COPB1: variants seen among roughly 807,000 people sequenced by gnomAD.
COPB1 encodes coatomer subunit beta.
In COPB1, 21 loss-of-function variants were observed where a neutral mutation model predicts 108.7. The ratio of observed to expected loss-of-function variants is 0.19; its 90% CI spans 0.14 to 0.28. COPB1 has a LOEUF of 0.28. Ranked by LOEUF, COPB1 falls within the 10% of genes least tolerant of loss-of-function variation. The pLI is 1.00. For synonymous variants in COPB1, 378 were observed against 386.8 expected (o/e 0.98, Z 0.27); for missense variants, 919 against 1,141.3 (o/e 0.81, Z 2.81).
In COPB1 at chr11:14,457,598, G is replaced by A. The variant is rs1274968742; in HGVS notation, c.*226C>T. The A allele has an allele frequency of 3.5e-5, 14 of 395,338 alleles. No homozygotes were observed. Among genetic ancestry groups the A allele is most frequent in the Non-Finnish European group, 6.6e-5 (14 of 211,862 alleles). The allele number at this position is 395,338 out of a possible 1,614,324, so 24.5% of individuals were successfully genotyped here. A position where few individuals can be genotyped will look rare whatever the true frequency, so the allele number is the denominator to read the frequency against. ...TACTGTGAAAAGGGTCTTGGTACAT[G>A]AAACATTATATACTTTGAGGACAGC... is the stretch of plus-strand genomic sequence containing the variant. On this transcript the variant is annotated 3_prime_UTR_variant, in exon 22 of 22. Coordinates refer to ENST00000439561, the MANE Select transcript of COPB1 (RefSeq NM_001144061.2).
intron 8 of COPB1, among the ~76,000 whole-genome samples, chr11:14,481,474 TA>T (rs901399142): frequency 2.6e-5 from 4 of 151,736 alleles, no homozygotes; most frequent in African/African-American, 7.3e-5. Flanking sequence ...ATCAGTGTCA[TA>T]AAAAAAAGAT....
At chr11:14,480,657 ATGG>A (rs371589550) in intron 10 of COPB1, 99 bp downstream of exon 10, 1 of 1,111,908 alleles carries the variant, frequency 9.0e-7, no homozygotes, top group African/African-American at 1.6e-5. Flanking sequence ...ATGAGATTTA[ATGG>A]TTCTAGGCAG....
intron 4 of COPB1, among the ~76,000 whole-genome samples, 168 bp downstream of exon 4, chr11:14,493,474 G>A (rs916170935): frequency 2.0e-5 from 3 of 152,170 alleles, no homozygotes; most frequent in African/African-American, 4.8e-5. Flanking sequence ...TAGGAACAGC[G>A]CTGCCAGATC....
intron 18 of COPB1, among the ~76,000 whole-genome samples, chr11:14,462,826 T>A (rs1358571487): frequency 2.6e-5 from 4 of 152,218 alleles, no homozygotes. Flanking sequence ...TCTTCCCTTA[T>A]GGTCTATAAA....
At chr11:14,477,054 C>A in intron 11 of COPB1, 39 bp from the exon 12 acceptor site, 1 of 1,316,306 alleles carries the variant, frequency 7.6e-7, no homozygotes, top group East Asian at 2.3e-5. Context: ...ACTTGGCAGA[C>A]AAATCTTGAA....
intron 8 of COPB1, 53 bp from the exon 9 acceptor site, chr11:14,481,150 A>G: frequency 7.2e-7 from 1 of 1,384,704 alleles, no homozygotes; most frequent in African/African-American, 1.4e-5. Flanking sequence ...GGTCACAGGA[A>G]AAAAATCTTC....
chr11:14,487,702 A>AC (rs894698250), intron 6 of COPB1, among the ~76,000 whole-genome samples: 1 of 151,408 alleles, frequency 6.6e-6, no homozygotes, highest in Admixed American at 6.6e-5. Flanking sequence ...CAAAAAAAAA[A>AC]CAAAAAAAAA....
chr11:14,487,673 CAAAAAAAACAAAAAACAACAA>C (rs1850804851), intron 6 of COPB1, among the ~76,000 whole-genome samples: 1 of 136,076 alleles, frequency 7.3e-6, no homozygotes, highest in African/African-American at 2.8e-5. Flanking sequence ...AGACTCTGCC[CAAAAAAAACAAAAAACAACAA>C]AAAAAAAACA....
intron 18 of COPB1, among the ~76,000 whole-genome samples, chr11:14,463,900 C>G (rs963883211): frequency 1.3e-5 from 2 of 152,184 alleles, no homozygotes; most frequent in Admixed American, 6.5e-5. Context: ...TGTGTTGGCT[C>G]AAGTCCTCTG....
At chr11:14,492,695 G>A (rs778046049) in intron 4 of COPB1, among the ~76,000 whole-genome samples, 3 of 152,066 alleles carry the variant, frequency 2.0e-5, no homozygotes, top group Non-Finnish European at 2.9e-5. Context: ...AAATCTAACA[G>A]TAAGATAACT....
chr11:14,495,319 A>G (rs1419387620), intron 2 of COPB1, among the ~76,000 whole-genome samples: 2 of 152,220 alleles, frequency 1.3e-5, no homozygotes, highest in Non-Finnish European at 2.9e-5. Context: ...GGGAGAACAA[A>G]GAATGATTAC....
At chr11:14,493,928 A>G (rs781495530) in intron 3 of COPB1, 117 bp from the exon 4 acceptor site, 6 of 927,394 alleles carry the variant, frequency 6.5e-6, no homozygotes, top group Non-Finnish European at 7.8e-6. Context: ...TAGATTACCG[A>G]CAATTTCCAT....
rs71044006 is a variant in COPB1 at position 14,477,821 on chromosome 11, TGA to T, written c.1359-808_1359-807del. ...CTGAGGCTGGAGAATCGCTTGAACA[TGA>T]GAGGCGGCGGTTGCAGTGAGCCGAG... On this transcript the variant is annotated intron_variant, in intron 11 of 21. Coordinates refer to ENST00000439561, the MANE Select transcript of COPB1 (RefSeq NM_001144061.2). 6.7e-3 allele frequency among the ~76,000 whole-genome samples: 981 copies of T among 147,346 alleles called. 4 individuals carry two copies. The highest frequency in any genetic ancestry group is 0.011 in the Non-Finnish European group (735 of 67,312).
rs1488318039 is a variant in COPB1 at position 14,458,573 on chromosome 11, C to A, written c.2761G>T (p.Ala921Ser). Residue 921 changes from alanine (A) to serine (S), a missense_variant, in exon 21 of 22, where the codon GCT becomes TCT. Physicochemically the swap from Ala to Ser is moderately conservative, Grantham distance 99. Around this residue, in one of 5 missense-constraint regions of COPB1, gnomAD observed 705 missense variants for 817.8 expected, o/e 0.86. Transcript: ENST00000439561. ...IEKPIHQGPDAAVTGHIRIRA... is the reference protein window; with the variant it reads ...IEKPIHQGPDSAVTGHIRIRA... ...ATTCTTATATGGCCGGTAACAGCAG[C>A]ATCTGGTCCCTGGTGAATTGGCTTC... The A allele has an allele frequency of 3.1e-6, 5 of 1,613,456 alleles. No homozygotes were observed. In the Admixed American group the frequency reaches 6.7e-5, roughly 22 times the overall value.
At position 14,475,928 on chromosome 11, in the gene COPB1, T is replaced by C. The variant is rs997411599; in HGVS notation, c.1473A>G (p.Ser491=). 6.2e-7 allele frequency: 1 copy of C among 1,609,124 alleles called. No homozygotes were observed. Among genetic ancestry groups the C allele is most frequent in the Admixed American group, 1.7e-5 (1 of 58,834 alleles). Residue 491 remains serine, a synonymous_variant, in exon 13 of 22, where the codon TCA becomes TCG. Coordinates refer to ENST00000439561, the MANE Select transcript of COPB1 (RefSeq NM_001144061.2). Reference sequence around the variant, plus strand: ...ATTCACCAGCTTCTTTCTTTATTTCTGACTCTACAATTGGGATCTAAAAGT... The same window carrying C: ...ATTCACCAGCTTCTTTCTTTATTTCCGACTCTACAATTGGGATCTAAAAGT... ...RSLGEIPIVE[S]EIKKEAGELK... is the part of the protein sequence containing the mutation.
At chr11:14,470,687 C>A (rs113834253) in intron 14 of COPB1, among the ~76,000 whole-genome samples, 279 of 151,864 alleles carry the variant, frequency 1.8e-3, no homozygotes, top group African/African-American at 6.2e-3. Flanking sequence ...GATACTGTCT[C>A]CAAAAGGAGA....
rs1850824324 is a variant in COPB1 at position 14,488,476 on chromosome 11, AGATT to A, written c.699+12_699+15del. The stretch of plus-strand genomic sequence containing the variant: ...CTGCTGAGTTTATTTTACTCATCAT[AGATT>A]ATCATTCTTACCTTATAAATCAGTT... On this transcript the variant is annotated intron_variant, in intron 6 of 21. Transcript: ENST00000439561. 6.5e-7 allele frequency: 1 copy of A among 1,546,974 alleles called. No individual in the cohort carries two copies. Among genetic ancestry groups the A allele is most frequent in the African/African-American group, 1.4e-5 (1 of 73,600 alleles).
Position 14,488,473 on chromosome 11 carries a change from C to G in COPB1, c.699+19G>C, listed in dbSNP as rs1183420308. ...AAACTGCTGAGTTTATTTTACTCAT[C>G]ATAGATTATCATTCTTACCTTATAA... On this transcript the variant is annotated intron_variant, in intron 6 of 21. Transcript: ENST00000439561. 3 of 1,530,428 alleles carry G rather than the reference C, an allele frequency of 2.0e-6. No homozygotes were observed. Among genetic ancestry groups the G allele is most frequent in the Non-Finnish European group, 1.8e-6 (2 of 1,113,116 alleles). The allele number at this position is 1,530,428 out of a possible 1,614,324, so 94.8% of individuals were successfully genotyped here.
At position 14,467,279 on chromosome 11, in the gene COPB1, G is replaced by A. The variant is rs942637827; in HGVS notation, c.2146-853C>T. ...AAATATACAAATGGCCAATAAGCAC[G>A]TGAAAAGACACTCATCATCACTAAT... On this transcript the variant is annotated intron_variant, in intron 16 of 21. Coordinates refer to ENST00000439561, the MANE Select transcript of COPB1 (RefSeq NM_001144061.2). Among the ~76,000 whole-genome samples the A allele has an allele frequency of 5.9e-5, 9 of 151,958 alleles. No homozygotes were observed. The South Asian group carries it at 8.3e-4, about 14-fold the overall frequency.
Sources: gnomAD v4.1 joint callset for allele counts (sites outside exome capture counted in the v4.1 genomes callset) on GRCh38, gnomAD v4.1.1 for gene constraint, gnomAD v4.1.1 regional missense constraint, MANE v1.5 for transcripts, NCBI Gene and HGNC (gene_info 2026-07-23, HGNC 2026-07-21) for gene names.